PHLDB2: variants seen among roughly 807,000 people sequenced by gnomAD.
The protein encoded by PHLDB2 is pleckstrin homology like domain family B member 2, also known as pleckstrin homology-like domain family B member 2.
PHLDB2 carries 71 observed loss-of-function variants against 123.6 expected under a neutral mutation model. The observed-to-expected ratio is 0.57, with a 90% CI of 0.47 to 0.70. PHLDB2 has a LOEUF of 0.70. Ranked by LOEUF, PHLDB2 falls within the 30% of genes least tolerant of loss-of-function variation. The pLI, the probability that PHLDB2 is intolerant of heterozygous loss-of-function variation, is 0.00. For synonymous variants in PHLDB2, 547 were observed against 541.6 expected (o/e 1.01, Z -0.14); for missense variants, 1,446 against 1,519.5 (o/e 0.95, Z 0.80).
chr3:111,879,464 C>A (rs1463988028), intron 1 of PHLDB2, among the ~76,000 whole-genome samples: 1 of 152,038 alleles, frequency 6.6e-6, no homozygotes, highest in East Asian at 1.9e-4. Flanking sequence ...AGGTCTTCAT[C>A]CTCTTCGTCT....
intron 1 of PHLDB2, among the ~76,000 whole-genome samples, chr3:111,804,487 G>A (rs1348580773): frequency 5.3e-5 from 8 of 152,190 alleles, no homozygotes. Context: ...ATGCAAAAAA[G>A]TAAATGATGA....
At chr3:111,853,135 C>A (rs899668925) in intron 2 of PHLDB2, among the ~76,000 whole-genome samples, 2 of 151,670 alleles carry the variant, frequency 1.3e-5, no homozygotes, top group African/African-American at 4.8e-5. Flanking sequence ...TAGTAAAAAC[C>A]AAATATTCAA....
intron 1 of PHLDB2, among the ~76,000 whole-genome samples, chr3:111,817,653 A>G (rs912095514): frequency 2.6e-5 from 4 of 152,194 alleles, no homozygotes; most frequent in Non-Finnish European, 2.9e-5. Flanking sequence ...CCAAACTCTT[A>G]TCTCATAGCC....
intron 9 of PHLDB2, among the ~76,000 whole-genome samples, chr3:111,948,562 C>G (rs2070474688): frequency 6.6e-6 from 1 of 152,074 alleles, no homozygotes; most frequent in Admixed American, 6.6e-5. Context: ...AATTTTACAT[C>G]TTGGTGTACT....
chr3:111,940,441 G>A, intron 7 of PHLDB2, 94 bp from the exon 8 acceptor site: 1 of 608,344 alleles, frequency 1.6e-6, no homozygotes. Context: ...TGTTATTCCA[G>A]TGGTGAAAAT....
At chr3:111,879,245 A>G (rs559682905) in intron 1 of PHLDB2, among the ~76,000 whole-genome samples, 1 of 152,258 alleles carries the variant, frequency 6.6e-6, no homozygotes, top group Admixed American at 6.5e-5. Flanking sequence ...TTATTGTTCT[A>G]TTCAGGGTTT....
chr3:111,801,108 G>A (rs2061362360), intron 1 of PHLDB2, among the ~76,000 whole-genome samples: 1 of 152,166 alleles, frequency 6.6e-6, no homozygotes, highest in South Asian at 2.1e-4. Context: ...CCAATACAGA[G>A]TAGACACTTA....
chr3:111,811,413 G>A (rs997947556), intron 1 of PHLDB2, among the ~76,000 whole-genome samples: 1 of 152,058 alleles, frequency 6.6e-6, no homozygotes. Context: ...TGAAGAAATG[G>A]CCCAGTTTTC....
At chr3:111,965,567 G>C (rs977098221) in intron 13 of PHLDB2, among the ~76,000 whole-genome samples, 1 of 152,134 alleles carries the variant, frequency 6.6e-6, no homozygotes, top group Non-Finnish European at 1.5e-5. Context: ...TTATATGAAT[G>C]TGTCTAACAA....
intron 2 of PHLDB2, among the ~76,000 whole-genome samples, chr3:111,847,264 T>C (rs955226652): frequency 1.3e-5 from 2 of 152,218 alleles, no homozygotes; most frequent in Non-Finnish European, 2.9e-5. Flanking sequence ...ATTTATGTAA[T>C]TATTCAACAA....
At chr3:111,910,089 A>G (rs1357893962) in intron 2 of PHLDB2, among the ~76,000 whole-genome samples, 1 of 152,128 alleles carries the variant, frequency 6.6e-6, no homozygotes, top group Non-Finnish European at 1.5e-5. Context: ...TCCTCTGAAG[A>G]TGGAAAAAAG....
chr3:111,852,861 G>A (rs543114511), intron 2 of PHLDB2, among the ~76,000 whole-genome samples: 1 of 151,984 alleles, frequency 6.6e-6, no homozygotes, highest in Non-Finnish European at 1.5e-5. Context: ...GAAGGAGAAC[G>A]TTTAATGCAG....
In PHLDB2 at chr3:111,974,643, GA is replaced by G; in HGVS notation, c.*84del. The G allele has an allele frequency of 7.3e-7, 1 of 1,374,470 alleles. No individual in the cohort carries two copies. Among genetic ancestry groups the G allele is most frequent in the East Asian group, 2.6e-5 (1 of 38,992 alleles). The allele number at this position is 1,374,470 out of a possible 1,614,324, so 85.1% of individuals were successfully genotyped here. A position where few individuals can be genotyped will look rare whatever the true frequency, so the allele number is the denominator to read the frequency against. The stretch of plus-strand genomic sequence containing the variant: ...TGAAGCCATATTCAACCCCAGATGA[GA>G]AAACCCAACAGATCCATCCCTTGAG... On this transcript the variant is annotated 3_prime_UTR_variant, in exon 18 of 18. Coordinates refer to ENST00000431670, the MANE Select transcript of PHLDB2 (RefSeq NM_001134438.2).
At position 111,920,327 on chromosome 3, in the gene PHLDB2, A is replaced by G; in HGVS notation, c.1909A>G (p.Thr637Ala). Residue 637 changes from threonine (T) to alanine (A), a missense_variant, in exon 5 of 18, where the codon ACA becomes GCA. Thr to Ala is a moderately conservative substitution (Grantham distance 58). Coordinates refer to ENST00000431670, the MANE Select transcript of PHLDB2 (RefSeq NM_001134438.2). ...TTTGGATGGAGAACAGAAATCTGAA[A>G]CAACTGAACTTATGAAGGAGAAGGA... ...ALLDGEQKSETTELMKEKEIL... is the reference protein window; with the variant it reads ...ALLDGEQKSEATELMKEKEIL... 6.2e-7 allele frequency: 1 copy of G among 1,614,004 alleles called. No individual in the cohort carries two copies. The highest frequency in any genetic ancestry group is 8.5e-7 in the Non-Finnish European group (1 of 1,179,924).
intron 1 of PHLDB2, among the ~76,000 whole-genome samples, chr3:111,810,361 C>A (rs558892067): frequency 6.6e-6 from 1 of 152,246 alleles, no homozygotes; most frequent in African/African-American, 2.4e-5. Flanking sequence ...GACTGGGCGG[C>A]TTAAACAACA....
At chr3:111,780,611 C>A (rs2060439265) in intron 1 of PHLDB2, among the ~76,000 whole-genome samples, 1 of 151,916 alleles carries the variant, frequency 6.6e-6, no homozygotes, top group South Asian at 2.1e-4. Flanking sequence ...CAGAAACCTG[C>A]TAAGACTAAG....
chr3:111,885,078 G>A lies in PHLDB2; in HGVS notation c.1001G>A (p.Ser334Asn). ...AGTTCTACCCTCAGTGTCCCTGCCA[G>A]TCCACGAGTGGCTCGGAAGATGCTT... ...YVSSTLSVPA[S>N]PRVARKMLLA... Residue 334 changes from serine (S) to asparagine (N), a missense_variant, in exon 2 of 18, where the codon AGT becomes AAT. Coordinates refer to ENST00000431670, the MANE Select transcript of PHLDB2 (RefSeq NM_001134438.2). 12 of 1,614,162 alleles carry A rather than the reference G, an allele frequency of 7.4e-6. No individual in the cohort carries two copies. The highest frequency in any genetic ancestry group is 1.0e-5 in the Non-Finnish European group (12 of 1,180,030).
chr3:111,853,759 C>G (rs920469774), intron 2 of PHLDB2, among the ~76,000 whole-genome samples: 1 of 152,064 alleles, frequency 6.6e-6, no homozygotes, highest in Non-Finnish European at 1.5e-5. Flanking sequence ...CCTGTAATCC[C>G]AGCTACTCCA....
intron 1 of PHLDB2, among the ~76,000 whole-genome samples, chr3:111,880,855 C>T (rs966575301): frequency 1.6e-4 from 24 of 152,172 alleles, no homozygotes; most frequent in Admixed American, 5.2e-4. Flanking sequence ...TTATCTGCTG[C>T]CTCTTGGTTA....
Sources: allele counts gnomAD v4.1 joint callset (sites outside exome capture counted in the v4.1 genomes callset), GRCh38; gene constraint gnomAD v4.1.1; transcripts MANE v1.5; gene names NCBI Gene and HGNC (gene_info 2026-07-23, HGNC 2026-07-21).